ELAVL4: variants seen among roughly 807,000 people sequenced by gnomAD.
The protein encoded by ELAVL4 is ELAV-like protein 4.
A neutral mutation model predicts 35.6 loss-of-function variants in ELAVL4; 1 was observed. That is an observed-to-expected ratio of 0.03 (90% CI 0.01 to 0.13). The LOEUF (loss-of-function observed/expected upper bound fraction) is 0.13, where lower values mean the gene tolerates loss of function less well. Ranked by LOEUF, ELAVL4 falls within the 10% of genes least tolerant of loss-of-function variation. The probability of loss-of-function intolerance (pLI) is 1.00; values close to 1 mark genes in which losing one functional copy is unlikely to be tolerated. For missense variants in ELAVL4, 267 were observed against 464.9 expected, an observed-to-expected ratio of 0.57 and a Z score of 3.91; for synonymous variants, 156 against 171.0, an observed-to-expected ratio of 0.91 and a Z score of 0.69.
At chr1:50,109,748 G>A in intron 1 of ELAVL4, 1 of 633,710 alleles carries the variant, frequency 1.6e-6, no homozygotes, top group Non-Finnish European at 2.8e-6. Flanking sequence ...GCTGCATCTT[G>A]TATTTCAAAG....
intron 3 of ELAVL4, 110 bp from the exon 4 acceptor site, chr1:50,193,655 C>A: frequency 1.5e-6 from 2 of 1,347,480 alleles, no homozygotes; most frequent in Non-Finnish European, 2.0e-6. Context: ...TTTAAACTGA[C>A]ACCATGAGTT....
intron 1 of ELAVL4, among the ~76,000 whole-genome samples, chr1:50,096,194 A>G (rs949845770): frequency 2.6e-5 from 4 of 151,896 alleles, no homozygotes; most frequent in African/African-American, 9.7e-5. Flanking sequence ...ACAAAGACAA[A>G]TAAGAACAGT....
chr1:50,162,564 G>C (rs374855750), intron 2 of ELAVL4, among the ~76,000 whole-genome samples: 1 of 152,136 alleles, frequency 6.6e-6, no homozygotes, highest in Non-Finnish European at 1.5e-5. Flanking sequence ...TTGGGAATTC[G>C]GGTCCTGGGT....
At chr1:50,164,798 T>G (rs938632237) in intron 2 of ELAVL4, among the ~76,000 whole-genome samples, 3 of 152,220 alleles carry the variant, frequency 2.0e-5, no homozygotes, top group African/African-American at 7.2e-5. Flanking sequence ...CCGGTCCTTT[T>G]ATGTTTGGTA....
intron 1 of ELAVL4, among the ~76,000 whole-genome samples, chr1:50,135,650 A>G (rs1375132516): frequency 6.6e-6 from 1 of 152,112 alleles, no homozygotes; most frequent in Non-Finnish European, 1.5e-5. Flanking sequence ...ATATGCTGAG[A>G]ATTTATTACC....
At chr1:50,163,872 A>G (rs1166734009) in intron 2 of ELAVL4, among the ~76,000 whole-genome samples, 1 of 152,180 alleles carries the variant, frequency 6.6e-6, no homozygotes, top group African/African-American at 2.4e-5. Flanking sequence ...TCAAAGTCTC[A>G]GGCATACTAT....
intron 2 of ELAVL4, among the ~76,000 whole-genome samples, chr1:50,164,115 C>T (rs1391023868): frequency 1.3e-5 from 2 of 152,188 alleles, no homozygotes; most frequent in African/African-American, 4.8e-5. Flanking sequence ...AAGTGAAGTG[C>T]TTGGCCCATA....
intron 2 of ELAVL4, among the ~76,000 whole-genome samples, chr1:50,170,873 A>T (rs1678876194): frequency 6.6e-6 from 1 of 152,100 alleles, no homozygotes; most frequent in Admixed American, 6.5e-5. Flanking sequence ...TTTCTTAATA[A>T]ACAAATAAAT....
chr1:50,159,157 A>G (rs1676304001), intron 2 of ELAVL4, among the ~76,000 whole-genome samples: 1 of 152,208 alleles, frequency 6.6e-6, no homozygotes, highest in Non-Finnish European at 1.5e-5. Flanking sequence ...CACCTTAAGT[A>G]AAAATCTTGA....
intron 1 of ELAVL4, among the ~76,000 whole-genome samples, chr1:50,065,299 G>C (rs919292274): frequency 1.3e-5 from 2 of 152,146 alleles, no homozygotes; most frequent in South Asian, 2.1e-4. Flanking sequence ...GAAAAGGTTA[G>C]AACAGATTAT....
chr1:50,073,869 T>C (rs1036006245), intron 1 of ELAVL4, among the ~76,000 whole-genome samples: 2 of 152,132 alleles, frequency 1.3e-5, no homozygotes, highest in Non-Finnish European at 2.9e-5. Flanking sequence ...ATCCTAGAAA[T>C]CCCAGAAACT....
intron 1 of ELAVL4, among the ~76,000 whole-genome samples, chr1:50,138,159 G>C (rs768176581): frequency 1.3e-5 from 2 of 152,154 alleles, no homozygotes; most frequent in Non-Finnish European, 2.9e-5. Context: ...GAGGGCAGAG[G>C]GTAGGTCAGT....
chr1:50,060,327 G>A (rs1663894375), intron 1 of ELAVL4, among the ~76,000 whole-genome samples: 3 of 152,122 alleles, frequency 2.0e-5, no homozygotes. Context: ...TTTATCAAAA[G>A]CTCGACTTCC....
chr1:50,189,412 G>GA (rs1682330772), intron 3 of ELAVL4, among the ~76,000 whole-genome samples: 1 of 152,370 alleles, frequency 6.6e-6, no homozygotes, highest in South Asian at 2.1e-4. Context: ...ACCTTGGTGA[G>GA]ACTTGCTGAG....
intron 1 of ELAVL4, among the ~76,000 whole-genome samples, chr1:50,079,540 G>C (rs1664917399): frequency 6.6e-6 from 1 of 152,134 alleles, no homozygotes; most frequent in Non-Finnish European, 1.5e-5. Context: ...CCTCAAGAAG[G>C]GGGCATGACC....
chr1:50,074,421 G>A lies in ELAVL4; in HGVS notation c.18+26239G>A, dbSNP rs556403016. Among the ~76,000 whole-genome samples, 8 of 152,206 alleles carry A rather than the reference G, an allele frequency of 5.3e-5. No individual in the cohort carries two copies. In the South Asian group the frequency reaches 1.7e-3, roughly 32 times the overall value. On this transcript the variant is annotated intron_variant, in intron 1 of 6. Transcript: ENST00000448907. The stretch of plus-strand genomic sequence containing the variant: ...ATGACAATAATTGCTACCATTTACT[G>A]AGCACCTTCTATATGCCAGGTGCAT...
At chr1:50,104,132 G>A (rs1666134145), upstream of ELAVL4, 12 of 946,764 alleles carry the variant, frequency 1.3e-5, no homozygotes, top group Admixed American at 2.4e-4. Context: ...ATTTTCCTTT[G>A]TGCAGCTTCA....
At chr1:50,166,045 G>T (rs926665330) in intron 2 of ELAVL4, among the ~76,000 whole-genome samples, 9 of 151,850 alleles carry the variant, frequency 5.9e-5, no homozygotes, top group Non-Finnish European at 1.0e-4. Context: ...ACGTTTTTCT[G>T]CCTGCTTTAT....
intron 2 of ELAVL4, among the ~76,000 whole-genome samples, chr1:50,165,123 T>C (rs1677513904): frequency 6.6e-6 from 1 of 152,188 alleles, no homozygotes; most frequent in Non-Finnish European, 1.5e-5. Flanking sequence ...GTAATTCAGA[T>C]TGAAGAAACT....
Sources: gnomAD v4.1 joint callset for allele counts (sites outside exome capture counted in the v4.1 genomes callset) on GRCh38, gnomAD v4.1.1 for gene constraint, MANE v1.5 for transcripts, NCBI Gene and HGNC (gene_info 2026-07-23, HGNC 2026-07-21) for gene names.